The following GNAO1 variants were observed in gnomAD, a reference collection of about 807,000 sequenced individuals.
GNAO1 encodes guanine nucleotide-binding protein G(o) subunit alpha.
For synonymous variants in GNAO1, 164 were observed against 180.7 expected (o/e 0.91, Z 0.74); for missense variants, 166 against 478.7 (o/e 0.35, Z 6.10).
chr16:56,213,047 T>TCA (rs761267778), intron 2 of GNAO1, among the ~76,000 whole-genome samples: 1 of 152,182 alleles, frequency 6.6e-6, no homozygotes, highest in Non-Finnish European at 1.5e-5. Flanking sequence ...GGACATCTGC[T>TCA]CACCTGTGGC....
intron 6 of GNAO1, among the ~76,000 whole-genome samples, chr16:56,341,184 G>A (rs908925924): frequency 2.6e-5 from 4 of 152,226 alleles, no homozygotes; most frequent in Admixed American, 6.5e-5. Context: ...AGGGAAAGCC[G>A]GTAGAGCCCT....
At chr16:56,339,185 C>T (rs934481991) in intron 6 of GNAO1, among the ~76,000 whole-genome samples, 12 of 152,254 alleles carry the variant, frequency 7.9e-5, no homozygotes, top group African/African-American at 2.7e-4. Flanking sequence ...GCGCTGGGGG[C>T]GCATGCAGAG....
In GNAO1 at chr16:56,355,082, G is replaced by A; in HGVS notation, c.*28+1G>A. ...CTTGTCCTGTATAGCAACCTATTTG[G>A]TAATGATTCCAGCACCCACAGAACA... On this transcript the variant is annotated splice_donor_variant, in intron 8 of 8. Transcript: ENST00000262493. LOFTEE classifies it low-confidence loss of function (3UTR_SPLICE). The A allele has an allele frequency of 6.7e-7, 1 of 1,489,506 alleles. No individual in the cohort carries two copies. Among genetic ancestry groups the A allele is most frequent in the Non-Finnish European group, 9.3e-7 (1 of 1,077,314 alleles). 92.3% of individuals were successfully genotyped at this position (1,489,506 alleles called of 1,614,324 possible). A position where few individuals can be genotyped will look rare whatever the true frequency, so the allele number is the denominator to read the frequency against.
chr16:56,328,426 T>C (rs2037656764), intron 3 of GNAO1, among the ~76,000 whole-genome samples: 1 of 152,016 alleles, frequency 6.6e-6, no homozygotes, highest in South Asian at 2.1e-4. Context: ...GACATCCATG[T>C]GGTAGAAGGC....
chr16:56,293,905 G>C (rs2143566038), intron 3 of GNAO1, among the ~76,000 whole-genome samples: 1 of 152,284 alleles, frequency 6.6e-6, no homozygotes, highest in Middle Eastern at 3.4e-3. Context: ...ATAGGGTATA[G>C]GAAGGTTGGT....
intron 3 of GNAO1, among the ~76,000 whole-genome samples, chr16:56,278,900 C>G (rs2037089024): frequency 6.6e-6 from 1 of 152,128 alleles, no homozygotes; most frequent in Admixed American, 6.5e-5. Flanking sequence ...TGCCCTGAGC[C>G]CAGTGCTGGG....
rs779217601 is a variant in GNAO1 at position 56,334,866 on chromosome 16, C to T, written c.593+9C>T. The T allele has an allele frequency of 1.2e-6, 2 of 1,613,676 alleles. No individual in the cohort carries two copies. The highest frequency in any genetic ancestry group is 4.5e-5 in the East Asian group (2 of 44,884). On this transcript the variant is annotated intron_variant, in intron 5 of 8. Coordinates refer to ENST00000262493, the MANE Select transcript of GNAO1 (RefSeq NM_020988.3). Reference sequence around the variant, plus strand: ...AAGAACCTCCACTTCAGGTGAGGCCCAGAGAGGCCCCCAGGCCCTGGCGAG... The same window carrying T: ...AAGAACCTCCACTTCAGGTGAGGCCTAGAGAGGCCCCCAGGCCCTGGCGAG...
In GNAO1 at chr16:56,334,885, T is replaced by C. The variant is rs761804844; in HGVS notation, c.593+28T>C. Reference sequence around the variant, plus strand: ...GAGGCCCAGAGAGGCCCCCAGGCCCTGGCGAGGGCTAAGATGGGACATGCC... The same window carrying C: ...GAGGCCCAGAGAGGCCCCCAGGCCCCGGCGAGGGCTAAGATGGGACATGCC... On this transcript the variant is annotated intron_variant, in intron 5 of 8. Coordinates refer to ENST00000262493, the MANE Select transcript of GNAO1 (RefSeq NM_020988.3). 22 of 1,612,400 alleles carry C rather than the reference T, an allele frequency of 1.4e-5. No homozygotes were observed. In the African/African-American group the frequency reaches 2.9e-4, roughly 22 times the overall value.
chr16:56,344,178 G>T, intron 6 of GNAO1: 1 of 1,427,432 alleles, frequency 7.0e-7, no homozygotes, highest in African/African-American at 1.4e-5. Flanking sequence ...AAGGCCAGGA[G>T]ACTCCACGCT....
At chr16:56,314,956 G>A (rs1355783382) in intron 3 of GNAO1, among the ~76,000 whole-genome samples, 1 of 152,128 alleles carries the variant, frequency 6.6e-6, no homozygotes, top group African/African-American at 2.4e-5. Context: ...AGAGTGACCT[G>A]AAGCCCAAAG....
chr16:56,231,846 C>A (rs537074589), intron 2 of GNAO1, among the ~76,000 whole-genome samples: 1 of 152,326 alleles, frequency 6.6e-6, no homozygotes, highest in South Asian at 2.1e-4. Context: ...ATTCTCTCCA[C>A]CTGGCAGGAT....
intron 6 of GNAO1, among the ~76,000 whole-genome samples, chr16:56,339,537 C>G (rs377508880): frequency 3.3e-5 from 5 of 152,220 alleles, no homozygotes; most frequent in Non-Finnish European, 7.3e-5. Flanking sequence ...GCTGTGCATC[C>G]CTCTCTGGCC....
intron 2 of GNAO1, among the ~76,000 whole-genome samples, chr16:56,201,956 T>G (rs527452495): frequency 4.1e-4 from 63 of 152,168 alleles, no homozygotes; most frequent in Non-Finnish European, 6.3e-4. Context: ...CTGTGGTGCT[T>G]TTGAGTGGCG....
chr16:56,341,689 T>C (rs2143678453), intron 6 of GNAO1, among the ~76,000 whole-genome samples: 1 of 152,268 alleles, frequency 6.6e-6, no homozygotes, highest in East Asian at 1.9e-4. Flanking sequence ...GTGGTGGGTT[T>C]ACCTGACCAT....
chr16:56,337,828 T>TG (rs2037757938), intron 6 of GNAO1, among the ~76,000 whole-genome samples: 1 of 152,276 alleles, frequency 6.6e-6, no homozygotes, highest in East Asian at 1.9e-4. Flanking sequence ...GCACCGAGCA[T>TG]GGCCCACAGG....
chr16:56,335,947 T>A (rs904948926), intron 5 of GNAO1, among the ~76,000 whole-genome samples: 13 of 152,330 alleles, frequency 8.5e-5, no homozygotes, highest in Middle Eastern at 3.4e-3. Context: ...CACTCCGTTG[T>A]GTCCGGTGGG....
At chr16:56,259,858 C>T (rs1327444482) in intron 2 of GNAO1, among the ~76,000 whole-genome samples, 1 of 152,182 alleles carries the variant, frequency 6.6e-6, no homozygotes, top group Non-Finnish European at 1.5e-5. Flanking sequence ...CCCTTTTTCA[C>T]AGTTGGTCAG....
chr16:56,333,235 CAG>C (rs1322753739), intron 4 of GNAO1, among the ~76,000 whole-genome samples: 2 of 145,876 alleles, frequency 1.4e-5, no homozygotes, highest in Non-Finnish European at 1.5e-5. Context: ...CTCCCCGAGA[CAG>C]AGTCTTGCTC....
intron 3 of GNAO1, among the ~76,000 whole-genome samples, chr16:56,312,773 C>G (rs1014101279): frequency 7.2e-5 from 11 of 152,296 alleles, no homozygotes; most frequent in Admixed American, 3.3e-4. Context: ...CAGGGCCTTC[C>G]AAGTGGGGCA....
Sources: allele counts gnomAD v4.1 joint callset (sites outside exome capture counted in the v4.1 genomes callset), GRCh38; gene constraint gnomAD v4.1.1; transcripts MANE v1.5; gene names NCBI Gene and HGNC (gene_info 2026-07-23, HGNC 2026-07-21).